The following C1orf141 variants were observed in gnomAD, a reference collection of about 807,000 sequenced individuals.
C1orf141 encodes uncharacterized protein C1orf141.
C1orf141 carries 19 observed loss-of-function variants against 23.2 expected under a neutral mutation model. The ratio of observed to expected loss-of-function variants is 0.82; its 90% CI spans 0.57 to 1.20. The LOEUF (loss-of-function observed/expected upper bound fraction) is 1.20, where lower values mean the gene tolerates loss of function less well. Ranked by LOEUF, C1orf141 falls within the 50% of genes most tolerant of loss-of-function variation. C1orf141 has a pLI of 0.00. For synonymous variants in C1orf141, 153 were observed against 154.6 expected (o/e 0.99, Z 0.08); for missense variants, 469 against 455.1 (o/e 1.03, Z -0.28).
chr1:67,141,412 A>G (rs1646636372), intron 1 of C1orf141, among the ~76,000 whole-genome samples: 1 of 152,098 alleles, frequency 6.6e-6, no homozygotes, highest in African/African-American at 2.4e-5. Flanking sequence ...GAAAAGTCAA[A>G]AGCCTCTTAA....
chr1:67,132,682 C>T (rs1224938356), intron 1 of C1orf141, among the ~76,000 whole-genome samples: 1 of 152,148 alleles, frequency 6.6e-6, no homozygotes, highest in Non-Finnish European at 1.5e-5. Context: ...TTGGAGATGT[C>T]TCTGAATATA....
chr1:67,103,169 A>C, intron 5 of C1orf141: 1 of 792,508 alleles, frequency 1.3e-6, no homozygotes, highest in East Asian at 2.8e-5. Flanking sequence ...GATTTTCTTA[A>C]TGCTTACACA....
upstream of C1orf141, chr1:67,139,035 T>A (rs898690076): frequency 6.6e-6 from 1 of 152,192 alleles, no homozygotes; most frequent in Non-Finnish European, 1.5e-5. Flanking sequence ...ACTATGAAGA[T>A]CCTAAGAGTG....
At chr1:67,108,093 T>C (rs1645975122) in intron 5 of C1orf141, among the ~76,000 whole-genome samples, 1 of 152,200 alleles carries the variant, frequency 6.6e-6, no homozygotes. Context: ...ATTAACCCCA[T>C]CTTCATTCTT....
chr1:67,112,378 G>A (rs569651252), intron 5 of C1orf141, among the ~76,000 whole-genome samples: 1 of 152,212 alleles, frequency 6.6e-6, no homozygotes, highest in South Asian at 2.1e-4. Flanking sequence ...ATACATTTTA[G>A]TGGGTAATAT....
chr1:67,131,733 T>C (rs1646518859), intron 1 of C1orf141, among the ~76,000 whole-genome samples: 1 of 151,848 alleles, frequency 6.6e-6, no homozygotes, highest in African/African-American at 2.4e-5. Context: ...CTCCCACATG[T>C]CTTCCAGTCA....
chr1:67,134,091 C>T (rs1383160802), intron 1 of C1orf141, among the ~76,000 whole-genome samples: 1 of 152,206 alleles, frequency 6.6e-6, no homozygotes, highest in East Asian at 1.9e-4. Flanking sequence ...ACAACCTCCG[C>T]CTCCCAGGTT....
intron 4 of C1orf141, among the ~76,000 whole-genome samples, chr1:67,117,930 T>C (rs1646228492): frequency 2.0e-5 from 3 of 152,184 alleles, no homozygotes; most frequent in African/African-American, 7.2e-5. Flanking sequence ...ATCTCAGTCC[T>C]TCATGTGTCA....
chr1:67,095,029 C>G, intron 7 of C1orf141: 1 of 454,126 alleles, frequency 2.2e-6, no homozygotes, highest in Non-Finnish European at 3.9e-6. Context: ...AAGAAAAACA[C>G]TGAATTTTCA....
intron 5 of C1orf141, among the ~76,000 whole-genome samples, chr1:67,098,442 A>C (rs1645732334): frequency 6.6e-6 from 1 of 152,148 alleles, no homozygotes; most frequent in South Asian, 2.1e-4. Flanking sequence ...GAATCGCTTG[A>C]ACCAGAGTCG....
At chr1:67,129,343 C>G (rs1356251457) in intron 2 of C1orf141, among the ~76,000 whole-genome samples, 1 of 152,000 alleles carries the variant, frequency 6.6e-6, no homozygotes, top group African/African-American at 2.4e-5. Context: ...ATAGTCCCAG[C>G]TGCTGGGGAG....
rs776945382 is a variant in C1orf141, at chr1:67,125,784, TTC to T, written c.199_200del (p.Glu67ArgfsTer18). The T allele has an allele frequency of 4.3e-6, 7 of 1,613,298 alleles. No homozygotes were observed. The South Asian group carries it at 7.7e-5, about 18-fold the overall frequency. On this transcript the variant is annotated frameshift_variant, in exon 4 of 8. Coordinates refer to ENST00000684719, the MANE Select transcript of C1orf141 (RefSeq NM_001276351.2). LOFTEE classifies it high-confidence loss of function. Reference sequence around the variant, plus strand: ...ATTTTGTAATGCTGCATGACTTGTCTTCTTTGATCTTTGATATTGCCTTAGAC... The same window carrying T: ...ATTTTGTAATGCTGCATGACTTGTCTTTTGATCTTTGATATTGCCTTAGAC... Reference protein sequence around the residue: ...SASKAISKIKEDKSCSITKSK... With the variant: ...SASKAISKIKXDKSCSITKSK...
At chr1:67,129,198 A>G (rs760331118) in intron 2 of C1orf141, among the ~76,000 whole-genome samples, 8 of 151,966 alleles carry the variant, frequency 5.3e-5, no homozygotes, top group Non-Finnish European at 7.4e-5. Flanking sequence ...GTGTGTGCCT[A>G]TAATCCCAGC....
intron 5 of C1orf141, among the ~76,000 whole-genome samples, chr1:67,097,858 G>A (rs1393289573): frequency 6.6e-6 from 1 of 152,096 alleles, no homozygotes; most frequent in Non-Finnish European, 1.5e-5. Flanking sequence ...CTACTTAGAG[G>A]GAGATCCAAC....
intron 5 of C1orf141, among the ~76,000 whole-genome samples, chr1:67,103,903 C>A (rs527550349): frequency 6.6e-6 from 1 of 151,968 alleles, no homozygotes; most frequent in African/African-American, 2.4e-5. Flanking sequence ...CATATCTAGG[C>A]GCTCAAAATA....
At chr1:67,114,858 T>C (rs1646158583) in intron 5 of C1orf141, among the ~76,000 whole-genome samples, 1 of 152,172 alleles carries the variant, frequency 6.6e-6, no homozygotes, top group Non-Finnish European at 1.5e-5. Context: ...GTACGTTTAA[T>C]AGAGACGGGG....
chr1:67,114,148 T>A (rs1215180061), intron 5 of C1orf141, among the ~76,000 whole-genome samples: 1 of 152,166 alleles, frequency 6.6e-6, no homozygotes, highest in Non-Finnish European at 1.5e-5. Flanking sequence ...CTATTCATTT[T>A]ACCTGGGATC....
At chr1:67,134,272 G>A (rs1483772599) in intron 1 of C1orf141, among the ~76,000 whole-genome samples, 1 of 152,160 alleles carries the variant, frequency 6.6e-6, no homozygotes, top group Non-Finnish European at 1.5e-5. Flanking sequence ...CCAAAGTGCT[G>A]GGATTACAGG....
intron 1 of C1orf141, among the ~76,000 whole-genome samples, chr1:67,132,456 G>T (rs1333477755): frequency 6.6e-6 from 1 of 152,112 alleles, no homozygotes; most frequent in Non-Finnish European, 1.5e-5. Context: ...CCAGGTGGCG[G>T]AGGTTGCAGT....
Sources: gnomAD v4.1 joint callset for allele counts (sites outside exome capture counted in the v4.1 genomes callset) on GRCh38, gnomAD v4.1.1 for gene constraint, MANE v1.5 for transcripts, NCBI Gene and HGNC (gene_info 2026-07-23, HGNC 2026-07-21) for gene names.